Variants in DOCK2 observed in about 807,000 individuals in gnomAD.
The protein encoded by DOCK2 is dedicator of cytokinesis 2.
Under a neutral mutation model 248.9 loss-of-function variants are expected in DOCK2, and 87 were observed. That is an observed-to-expected ratio of 0.35 (90% CI 0.29 to 0.42). The LOEUF is 0.42. Among genes scored for constraint, DOCK2 ranks in the 10% least tolerant of loss-of-function variants. The probability of loss-of-function intolerance (pLI) is 1.00; values close to 1 mark genes in which losing one functional copy is unlikely to be tolerated. For missense variants in DOCK2, 1,747 were observed against 2,300.2 expected (o/e 0.76, Z 4.92); for synonymous variants, 805 against 821.6 (o/e 0.98, Z 0.35).
chr5:169,839,543 A>G lies in DOCK2; in HGVS notation c.2704-1214A>G, dbSNP rs138738938. On this transcript the variant is annotated intron_variant, in intron 26 of 51. Transcript: ENST00000520908. The stretch of plus-strand genomic sequence containing the variant: ...GTGTGCAACTCTGTGCCTAAATGCT[A>G]TGCTGGTAAAATGCTCCAAGATATA... Among the ~76,000 whole-genome samples the G allele has an allele frequency of 6.9e-4, 105 of 152,326 alleles. 1 individual carries two copies. In the East Asian group the frequency reaches 0.017, roughly 24 times the overall value.
At chr5:169,811,492 C>T (rs1021392009) in intron 26 of DOCK2, among the ~76,000 whole-genome samples, 1 of 152,164 alleles carries the variant, frequency 6.6e-6, no homozygotes, top group Non-Finnish European at 1.5e-5. Flanking sequence ...AATTAAGCCC[C>T]AAACCTGAGG....
At chr5:169,928,745 T>C (rs1775600969) in intron 27 of DOCK2, among the ~76,000 whole-genome samples, 1 of 152,216 alleles carries the variant, frequency 6.6e-6, no homozygotes. Flanking sequence ...AGAACAGTTA[T>C]ACAGGAATGA....
chr5:169,991,374 C>T (rs1778201115), intron 29 of DOCK2, among the ~76,000 whole-genome samples: 1 of 152,256 alleles, frequency 6.6e-6, no homozygotes, highest in African/African-American at 2.4e-5. Context: ...TTTCTGCCAG[C>T]TTCTTCCTAC....
Position 169,787,099 on chromosome 5 carries a change from CAG to C in DOCK2, c.2555-15954_2555-15953del, listed in dbSNP as rs72170168. ...CTTTACAGATACAGAAACAAAGATA[CAG>C]AGAGGTTAAGTGATTTCTCCAAGAT... On this transcript the variant is annotated intron_variant, in intron 25 of 51. Transcript: ENST00000520908. Among the ~76,000 whole-genome samples the C allele has an allele frequency of 2.8e-3, 421 of 152,258 alleles. 4 individuals carry two copies. Among genetic ancestry groups the C allele is most frequent in the East Asian group, 0.024 (126 of 5,188 alleles).
chr5:169,874,968 T>C (rs1772228821), intron 27 of DOCK2, among the ~76,000 whole-genome samples: 1 of 152,082 alleles, frequency 6.6e-6, no homozygotes, highest in South Asian at 2.1e-4. Flanking sequence ...GCCTCCATTC[T>C]CACCTTTACC....
At chr5:169,708,030 G>T in intron 14 of DOCK2, 139 bp from the exon 15 acceptor site, 2 of 728,608 alleles carry the variant, frequency 2.7e-6, no homozygotes, top group South Asian at 1.7e-5. Flanking sequence ...GAGCCATTAT[G>T]GGCACCTGGC....
At chr5:169,781,182 G>A (rs1276768811) in intron 25 of DOCK2, among the ~76,000 whole-genome samples, 5 of 152,236 alleles carry the variant, frequency 3.3e-5, no homozygotes, top group Non-Finnish European at 7.3e-5. Context: ...TCTTTGGAAT[G>A]TGGGAGGAAA....
intron 9 of DOCK2, among the ~76,000 whole-genome samples, chr5:169,692,061 G>A (rs1282324622): frequency 2.6e-5 from 4 of 151,854 alleles, no homozygotes; most frequent in African/African-American, 9.7e-5. Flanking sequence ...TCACCATGTT[G>A]GCCAGGATGG....
intron 8 of DOCK2, among the ~76,000 whole-genome samples, chr5:169,685,410 C>T (rs1050753519): frequency 6.6e-6 from 1 of 152,172 alleles, no homozygotes; most frequent in Non-Finnish European, 1.5e-5. Flanking sequence ...TTAGACCATC[C>T]TTCCTCTCAG....
chr5:169,986,411 T>C (rs1416277173), intron 29 of DOCK2, among the ~76,000 whole-genome samples: 1 of 152,180 alleles, frequency 6.6e-6, no homozygotes, highest in Non-Finnish European at 1.5e-5. Context: ...CATTTGCACA[T>C]AGGATGTGCA....
intron 27 of DOCK2, among the ~76,000 whole-genome samples, chr5:169,914,330 C>T (rs1359951197): frequency 1.3e-5 from 2 of 152,144 alleles, no homozygotes; most frequent in Non-Finnish European, 1.5e-5. Flanking sequence ...CTTCCTAAAC[C>T]TTTCTTTGGT....
At chr5:170,072,888 G>A (rs918416793) in intron 46 of DOCK2, among the ~76,000 whole-genome samples, 1 of 152,062 alleles carries the variant, frequency 6.6e-6, no homozygotes, top group Admixed American at 6.5e-5. Context: ...TTGATTTATA[G>A]GAGTTTATAT....
intron 32 of DOCK2, among the ~76,000 whole-genome samples, 188 bp from the exon 33 acceptor site, chr5:170,018,772 C>T (rs775610416): frequency 3.9e-5 from 6 of 152,164 alleles, no homozygotes; most frequent in Non-Finnish European, 7.3e-5. Context: ...ATAATGCATG[C>T]GCTCTAACGG....
chr5:169,874,897 C>T (rs576042185), intron 27 of DOCK2, among the ~76,000 whole-genome samples: 6 of 152,134 alleles, frequency 3.9e-5, no homozygotes, highest in African/African-American at 1.4e-4. Context: ...AAACAGGAGG[C>T]ATCAGAAGAT....
chr5:170,073,846 T>A (rs1405948751), intron 46 of DOCK2, among the ~76,000 whole-genome samples: 1 of 152,210 alleles, frequency 6.6e-6, no homozygotes, highest in Non-Finnish European at 1.5e-5. Flanking sequence ...TGATTAGTCT[T>A]CTTAGGAGTT....
intron 30 of DOCK2, among the ~76,000 whole-genome samples, chr5:169,997,504 T>C (rs551149123): frequency 5.2e-5 from 7 of 135,798 alleles, no homozygotes; most frequent in African/African-American, 1.7e-4. Context: ...GGAGAAACCT[T>C]GGACAATACC....
At position 169,918,574 on chromosome 5, in the gene DOCK2, A is replaced by C. The variant is rs544098848; in HGVS notation, c.2800-64494A>C. Among the ~76,000 whole-genome samples the C allele has an allele frequency of 1.5e-4, 23 of 152,330 alleles. No homozygotes were observed. In the East Asian group the frequency reaches 3.1e-3, roughly 20 times the overall value. On this transcript the variant is annotated intron_variant, in intron 27 of 51. Coordinates refer to ENST00000520908, the MANE Select transcript of DOCK2 (RefSeq NM_004946.3). ...GACATGTCCTGAGGGGAAATAAATA[A>C]TCTTTAGAATATTGTCCAATATGAT...
chr5:169,902,041 G>T (rs529471548), intron 27 of DOCK2, among the ~76,000 whole-genome samples: 5 of 152,268 alleles, frequency 3.3e-5, no homozygotes, highest in African/African-American at 1.2e-4. Context: ...CAAACGGTTT[G>T]TTTCTCCCTC....
chr5:169,790,392 GA>G (rs1362994866), intron 25 of DOCK2, among the ~76,000 whole-genome samples: 1 of 152,164 alleles, frequency 6.6e-6, no homozygotes, highest in Non-Finnish European at 1.5e-5. Context: ...AATTAAAAAG[GA>G]CATTCAGAGA....
Sources: allele counts gnomAD v4.1 joint callset (sites outside exome capture counted in the v4.1 genomes callset), GRCh38; gene constraint gnomAD v4.1.1; transcripts MANE v1.5; gene names NCBI Gene and HGNC (gene_info 2026-07-23, HGNC 2026-07-21).